The following KCNG3 variants were observed in gnomAD, a reference collection of about 807,000 sequenced individuals.
KCNG3 encodes potassium voltage-gated channel modifier subfamily G member 3, also known as voltage-gated potassium channel regulatory subunit KCNG3.
KCNG3 carries 15 observed loss-of-function variants against 29.0 expected under a neutral mutation model. The observed-to-expected ratio is 0.52, with a 90% CI of 0.35 to 0.80. The LOEUF (loss-of-function observed/expected upper bound fraction) is 0.80, where lower values mean the gene tolerates loss of function less well. KCNG3 is among the 30% of genes least tolerant of loss of function. KCNG3 has a pLI of 0.01. For synonymous variants in KCNG3, 322 were observed against 248.9 expected, an observed-to-expected ratio of 1.29 and a Z score of -2.76; for missense variants, 512 against 605.7, an observed-to-expected ratio of 0.85 and a Z score of 1.62.
intron 1 of KCNG3, among the ~76,000 whole-genome samples, chr2:42,481,123 G>A (rs1035809091): frequency 6.6e-6 from 1 of 152,114 alleles, no homozygotes; most frequent in African/African-American, 2.4e-5. Flanking sequence ...CAAAAACCAG[G>A]CAGTGGGCCT....
chr2:42,473,182 C>G (rs1284208079), intron 1 of KCNG3, among the ~76,000 whole-genome samples: 4 of 151,916 alleles, frequency 2.6e-5, no homozygotes, highest in Non-Finnish European at 5.9e-5. Flanking sequence ...AGGTGTGAGC[C>G]ACCGCGTCCG....
the KCNG3 span, among the ~76,000 whole-genome samples, chr2:42,394,063 G>A: frequency 6.6e-6 from 1 of 152,180 alleles, no homozygotes; most frequent in Non-Finnish European, 1.5e-5. Context: ...TTACAGGTGT[G>A]AGCCACTATG....
chr2:42,442,765 C>T lies in KCNG3; in HGVS notation c.*1169G>A, dbSNP rs995280444. ...AATCATCACTTTTACATTATCTAGT[C>T]CTAATAATCTAGCCAGATTAACATG... is the stretch of plus-strand genomic sequence containing the variant. On this transcript the variant is annotated 3_prime_UTR_variant, in exon 2 of 2. Transcript: ENST00000306078. The T allele has an allele frequency of 6.6e-6, 1 of 152,086 alleles. No homozygotes were observed. Among genetic ancestry groups the T allele is most frequent in the African/African-American group, 2.4e-5 (1 of 41,420 alleles). The allele number at this position is 152,086 out of a possible 1,614,324, so 9.4% of individuals were successfully genotyped here.
At chr2:42,461,774 T>A (rs1026993519) in intron 1 of KCNG3, among the ~76,000 whole-genome samples, 3 of 152,228 alleles carry the variant, frequency 2.0e-5, no homozygotes, top group African/African-American at 7.2e-5. Context: ...TATTCCCTTT[T>A]TATTTAACTG....
chr2:42,433,249 C>T, the KCNG3 span, among the ~76,000 whole-genome samples: 1 of 152,192 alleles, frequency 6.6e-6, no homozygotes, highest in South Asian at 2.1e-4. Flanking sequence ...CCTAAAGAAT[C>T]CTATTATAGC....
chr2:42,479,854 T>C (rs2103726512), intron 1 of KCNG3, among the ~76,000 whole-genome samples: 1 of 151,884 alleles, frequency 6.6e-6, no homozygotes, highest in South Asian at 2.1e-4. Context: ...CTACTAAAAA[T>C]AACAAAAATT....
the KCNG3 span, among the ~76,000 whole-genome samples, chr2:42,431,830 G>T: frequency 6.6e-6 from 1 of 152,130 alleles, no homozygotes; most frequent in Non-Finnish European, 1.5e-5. Context: ...CTGAGGTCAG[G>T]AGTTCGAGAC....
intron 1 of KCNG3, among the ~76,000 whole-genome samples, chr2:42,447,853 C>T (rs776307778): frequency 8.5e-5 from 13 of 152,116 alleles, no homozygotes; most frequent in Non-Finnish European, 1.8e-4. Context: ...GTTTGTATAT[C>T]ATTTCCCACA....
chr2:42,491,511 A>G (rs1445442259), intron 1 of KCNG3, among the ~76,000 whole-genome samples: 1 of 152,152 alleles, frequency 6.6e-6, no homozygotes, highest in Non-Finnish European at 1.5e-5. Flanking sequence ...TAAAAAAAAA[A>G]GGCATTTATG....
chr2:42,447,270 GTA>G (rs531570746), intron 1 of KCNG3, among the ~76,000 whole-genome samples: 9 of 150,126 alleles, frequency 6.0e-5, no homozygotes, highest in Admixed American at 1.3e-4. Context: ...GTACATACAT[GTA>G]TATATATATA....
At chr2:42,481,981 G>C (rs1673596277) in intron 1 of KCNG3, among the ~76,000 whole-genome samples, 1 of 152,126 alleles carries the variant, frequency 6.6e-6, no homozygotes, top group Non-Finnish European at 1.5e-5. Context: ...TCCCATGAAA[G>C]ATAACTTACA....
intron 1 of KCNG3, among the ~76,000 whole-genome samples, chr2:42,455,752 G>A (rs1454958162): frequency 6.6e-6 from 1 of 151,748 alleles, no homozygotes; most frequent in African/African-American, 2.4e-5. Context: ...CTAGGCAACA[G>A]ACCAAAATCC....
chr2:42,409,495 G>A, the KCNG3 span, among the ~76,000 whole-genome samples: 1 of 151,968 alleles, frequency 6.6e-6, no homozygotes, highest in South Asian at 2.1e-4. Flanking sequence ...CTTGAGCTCA[G>A]GAGTTTGAGA....
the KCNG3 span, among the ~76,000 whole-genome samples, chr2:42,403,880 C>T: frequency 6.6e-6 from 1 of 152,120 alleles, no homozygotes; most frequent in African/African-American, 2.4e-5. Flanking sequence ...GGATTACGGG[C>T]ATGAGCTACC....
the KCNG3 span, among the ~76,000 whole-genome samples, chr2:42,425,521 G>A: frequency 1.3e-5 from 2 of 152,000 alleles, no homozygotes; most frequent in Non-Finnish European, 2.9e-5. Context: ...GGATCATGTG[G>A]TCTTTTTACT....
the KCNG3 span, among the ~76,000 whole-genome samples, chr2:42,399,345 C>CA: frequency 7.7e-3 from 1,171 of 152,210 alleles, 18 homozygotes; most frequent in African/African-American, 0.027. Flanking sequence ...AGGCGTGAGC[C>CA]ACCGCGCCCG....
chr2:42,477,191 C>CAA (rs1385864024), intron 1 of KCNG3, among the ~76,000 whole-genome samples: 1 of 70,634 alleles, frequency 1.4e-5, no homozygotes, highest in Non-Finnish European at 3.0e-5. Context: ...GACTCTGTTT[C>CAA]AAAAAAAAAA....
the KCNG3 span, among the ~76,000 whole-genome samples, chr2:42,435,589 T>C: frequency 6.6e-6 from 1 of 152,184 alleles, no homozygotes; most frequent in African/African-American, 2.4e-5. Flanking sequence ...AAAAACCTAT[T>C]TTTTTAAGGG....
chr2:42,444,954 T>C lies in KCNG3; in HGVS notation c.666-375A>G, dbSNP rs563563235. The stretch of plus-strand genomic sequence containing the variant: ...GGTGACACACACCTGTAGTACCACC[T>C]ACCTGGGAGGCTAAGGTGGGAGGAT... On this transcript the variant is annotated intron_variant, in intron 1 of 1. Coordinates refer to ENST00000306078, the MANE Select transcript of KCNG3 (RefSeq NM_133329.6). This position sits in a 1 kb window ranked among gnomAD's most constrained non-coding sequence, Gnocchi z 5.8. Among the ~76,000 whole-genome samples the C allele has an allele frequency of 6.6e-6, 1 of 151,686 alleles. No homozygotes were observed. Among genetic ancestry groups the C allele is most frequent in the South Asian group, 2.1e-4 (1 of 4,780 alleles).
Sources: gnomAD v4.1 joint callset for allele counts (sites outside exome capture counted in the v4.1 genomes callset) on GRCh38, gnomAD v4.1.1 for gene constraint, Gnocchi (gnomAD v3.1) non-coding constraint, MANE v1.5 for transcripts, NCBI Gene and HGNC (gene_info 2026-07-23, HGNC 2026-07-21) for gene names.